GRIN3A: variants seen among roughly 807,000 people sequenced by gnomAD.
The protein encoded by GRIN3A is glutamate receptor ionotropic, NMDA 3A.
GRIN3A carries 47 observed loss-of-function variants against 92.4 expected under a neutral mutation model. That is an observed-to-expected ratio of 0.51 (90% CI 0.40 to 0.65). The LOEUF (loss-of-function observed/expected upper bound fraction) is 0.65, where lower values mean the gene tolerates loss of function less well. GRIN3A is among the 30% of genes least tolerant of loss of function. The pLI is 0.00. For missense variants in GRIN3A, 1,324 were observed against 1,393.1 expected (o/e 0.95, Z 0.79); for synonymous variants, 527 against 540.6 (o/e 0.97, Z 0.35).
intron 3 of GRIN3A, among the ~76,000 whole-genome samples, chr9:101,664,007 G>A (rs1829208404): frequency 6.6e-6 from 1 of 151,822 alleles, no homozygotes; most frequent in African/African-American, 2.4e-5. Flanking sequence ...AACTCCATAA[G>A]GGGAAGTGGA....
At chr9:101,620,425 C>A (rs903249877) in intron 5 of GRIN3A, among the ~76,000 whole-genome samples, 1 of 152,090 alleles carries the variant, frequency 6.6e-6, no homozygotes, top group Non-Finnish European at 1.5e-5. Context: ...GGGGGAGGCA[C>A]AAACATTCAG....
intron 7 of GRIN3A, 135 bp from the exon 8 acceptor site, chr9:101,577,979 T>TA: frequency 1.5e-6 from 1 of 680,974 alleles, no homozygotes; most frequent in Non-Finnish European, 2.7e-6. Context: ...CAGAAATGCC[T>TA]AAAAATAGAT....
intron 1 of GRIN3A, among the ~76,000 whole-genome samples, chr9:101,718,630 T>C (rs903908310): frequency 6.6e-6 from 1 of 152,226 alleles, no homozygotes; most frequent in Non-Finnish European, 1.5e-5. Flanking sequence ...TTTTAGGTTG[T>C]TCAGAAACTT....
intron 6 of GRIN3A, among the ~76,000 whole-genome samples, chr9:101,588,074 C>T (rs1349031807): frequency 6.6e-6 from 1 of 152,066 alleles, no homozygotes; most frequent in Admixed American, 6.5e-5. Flanking sequence ...AATGTGGGCT[C>T]CAGATGTACC....
intron 2 of GRIN3A, among the ~76,000 whole-genome samples, chr9:101,677,480 G>A (rs1180555262): frequency 6.6e-6 from 1 of 151,944 alleles, no homozygotes; most frequent in Non-Finnish European, 1.5e-5. Flanking sequence ...TCTTAAAGCA[G>A]CTCTTTGACC....
chr9:101,726,712 T>C (rs540028613), intron 1 of GRIN3A, among the ~76,000 whole-genome samples: 1 of 150,550 alleles, frequency 6.6e-6, no homozygotes, highest in Non-Finnish European at 1.5e-5. Flanking sequence ...TTTTAAAATT[T>C]ATGTTTTTAA....
intron 2 of GRIN3A, among the ~76,000 whole-genome samples, chr9:101,684,094 T>TTTTCTTTC (rs542469654): frequency 6.2e-4 from 90 of 144,436 alleles, no homozygotes; most frequent in African/African-American, 1.7e-3. Context: ...CTTCCTGTCT[T>TTTTCTTTC]TTTCTTTCTT....
intron 1 of GRIN3A, among the ~76,000 whole-genome samples, chr9:101,691,530 G>A (rs572902704): frequency 2.6e-5 from 4 of 152,098 alleles, no homozygotes; most frequent in African/African-American, 9.7e-5. Context: ...TCACTATATA[G>A]GTAAATATAT....
chr9:101,635,125 G>T (rs967353136), intron 3 of GRIN3A, among the ~76,000 whole-genome samples: 5 of 152,032 alleles, frequency 3.3e-5, no homozygotes, highest in Non-Finnish European at 7.3e-5. Context: ...TTCTGAAGCC[G>T]TCTACGTTAG....
chr9:101,641,852 G>A (rs970962309), intron 3 of GRIN3A, among the ~76,000 whole-genome samples: 1 of 151,514 alleles, frequency 6.6e-6, no homozygotes, highest in Admixed American at 6.6e-5. Flanking sequence ...ACTTCATGAT[G>A]TTAGTTTACA....
intron 6 of GRIN3A, among the ~76,000 whole-genome samples, chr9:101,609,653 AGTCCGCAGAGCTGTCT>A (rs1432040495): frequency 1.3e-5 from 2 of 152,186 alleles, no homozygotes; most frequent in African/African-American, 4.8e-5. Context: ...TTAGGTTCTG[AGTCCGCAGAGCTGTCT>A]GTCCTTAGGT....
At chr9:101,690,076 A>G (rs574344388) in intron 1 of GRIN3A, among the ~76,000 whole-genome samples, 1 of 152,266 alleles carries the variant, frequency 6.6e-6, no homozygotes, top group African/African-American at 2.4e-5. Flanking sequence ...GGTACATTCA[A>G]TTTATCTATA....
At chr9:101,595,141 A>AT in intron 6 of GRIN3A, 1 of 555,330 alleles carries the variant, frequency 1.8e-6, no homozygotes, top group Non-Finnish European at 3.2e-6. Flanking sequence ...AGGGGGCGGA[A>AT]GGGGAGGTGG....
At chr9:101,677,078 G>A (rs142140883) in intron 2 of GRIN3A, among the ~76,000 whole-genome samples, 1 of 150,750 alleles carries the variant, frequency 6.6e-6, no homozygotes, top group African/African-American at 2.4e-5. Context: ...TCTCTCTTTG[G>A]ATTGTCTTTT....
At position 101,570,237 on chromosome 9, in the gene GRIN3A, T is replaced by C. The variant is rs1827739787; in HGVS notation, c.*2937A>G. On this transcript the variant is annotated 3_prime_UTR_variant, in exon 9 of 9. Coordinates refer to ENST00000361820, the MANE Select transcript of GRIN3A (RefSeq NM_133445.3). ...CATCTGAGCATGCTTTATCATGTGCTTCCTGTGCCAGAAAAGCAAGGTAGC... is the reference window on the plus strand; with the variant it reads ...CATCTGAGCATGCTTTATCATGTGCCTCCTGTGCCAGAAAAGCAAGGTAGC... 6.6e-6 allele frequency: 1 copy of C among 152,324 alleles called. No individual in the cohort carries two copies. Among genetic ancestry groups the C allele is most frequent in the South Asian group, 2.1e-4 (1 of 4,826 alleles). 9.4% of individuals were successfully genotyped at this position (152,324 alleles called of 1,614,324 possible).
intron 1 of GRIN3A, among the ~76,000 whole-genome samples, chr9:101,689,621 T>G (rs1386301507): frequency 6.6e-6 from 1 of 152,216 alleles, no homozygotes; most frequent in East Asian, 1.9e-4. Context: ...AAATGATAGT[T>G]TAGAAGCATC....
chr9:101,665,299 C>A (rs955352531), intron 3 of GRIN3A, among the ~76,000 whole-genome samples: 1 of 151,594 alleles, frequency 6.6e-6, no homozygotes, highest in Non-Finnish European at 1.5e-5. Flanking sequence ...AGTTTTAGGG[C>A]GCACAATTAT....
At chr9:101,684,045 C>T (rs967465184) in intron 2 of GRIN3A, among the ~76,000 whole-genome samples, 1 of 151,606 alleles carries the variant, frequency 6.6e-6, no homozygotes, top group Non-Finnish European at 1.5e-5. Flanking sequence ...ATGTCAATCC[C>T]CTGCCCTCCC....
chr9:101,688,938 G>A (rs1218194030), intron 1 of GRIN3A, among the ~76,000 whole-genome samples: 1 of 152,132 alleles, frequency 6.6e-6, no homozygotes, highest in Non-Finnish European at 1.5e-5. Context: ...AGAGAGAAAG[G>A]TCTCAAAAAC....
Sources: gnomAD v4.1 joint callset for allele counts (sites outside exome capture counted in the v4.1 genomes callset) on GRCh38, gnomAD v4.1.1 for gene constraint, MANE v1.5 for transcripts, NCBI Gene and HGNC (gene_info 2026-07-23, HGNC 2026-07-21) for gene names.